Variants in TTN observed in about 807,000 individuals in gnomAD.
TTN encodes the protein titin, also known as connectin.
TTN carries 1,525 observed loss-of-function variants against 3,223.0 expected under a neutral mutation model. The observed-to-expected ratio is 0.47, with a 90% CI of 0.45 to 0.49. The LOEUF (loss-of-function observed/expected upper bound fraction) is 0.49, where lower values mean the gene tolerates loss of function less well. TTN is among the 20% of genes least tolerant of loss of function. The pLI, the probability that TTN is intolerant of heterozygous loss-of-function variation, is 0.00. For missense variants in TTN, 40,786 were observed against 43,424.0 expected, an observed-to-expected ratio of 0.94 and a Z score of 5.40; for synonymous variants, 14,094 against 15,161.0, an observed-to-expected ratio of 0.93 and a Z score of 5.17.
chr2:178,772,776 T>C (rs1041106840), intron 33 of TTN, among the ~76,000 whole-genome samples: 1 of 152,102 alleles, frequency 6.6e-6, no homozygotes, highest in African/African-American at 2.4e-5. Flanking sequence ...TACACTGATA[T>C]TGAAAGAGGA....
Position 178,548,442 on chromosome 2 carries a change from T to C in TTN, c.93184A>G (p.Ser31062Gly). The change falls in exon 339 of 363, where the codon AGT becomes GGT. Residue 31062 changes from serine (S) to glycine (G), a missense_variant. By Grantham distance (56) the Ser-to-Gly change is moderately conservative. Coordinates refer to ENST00000589042, the MANE Select transcript of TTN (RefSeq NM_001267550.2). This position sits in a 1 kb window ranked among gnomAD's most constrained non-coding sequence, Gnocchi z 4.3. ...CATTTTTCACTGATAACCTGCCAAC[T>C]ACGGCGACTTGCCTCTCGTTTCTCT... ...VVEKREASRR[S>G]WQVISEKCTR... 6.2e-7 allele frequency: 1 copy of C among 1,613,878 alleles called. No homozygotes were observed.
chr2:178,776,014 G>C lies in TTN; in HGVS notation c.5850C>G (p.His1950Gln). ...RRAPEPRPEF[H>Q]VHEPGKLQFE... ...ACTGAAGCTTTCCTGGTTCATGTAC[G>C]TGAAACTCAGGCCTTGGTTCAGGAG... Residue 1950 changes from histidine to glutamine, a missense_variant, in exon 28 of 363, where the codon CAC becomes CAG. Coordinates refer to ENST00000589042, the MANE Select transcript of TTN (RefSeq NM_001267550.2). 1 of 1,614,088 alleles carries C rather than the reference G, an allele frequency of 6.2e-7. No homozygotes were observed. Among genetic ancestry groups the C allele is most frequent in the Non-Finnish European group, 8.5e-7 (1 of 1,179,990 alleles).
In TTN at chr2:178,569,145, C is replaced by A. The variant is rs143186270; in HGVS notation, c.76987G>T (p.Asp25663Tyr). ...TAACTGCAACCTTCTTGGAGCTGAT[C>A]GATTTTCCAAGAATTCTTATGGCAG... The part of the protein sequence containing the change: ...TNCHKNSWKI[D>Y]QLQEGCSYYF... The change falls in exon 326 of 363, where the codon GAT becomes TAT. Residue 25663 changes from aspartate (D) to tyrosine (Y), a missense_variant. Transcript: ENST00000589042. 6.8e-6 allele frequency: 11 copies of A among 1,613,350 alleles called. No homozygotes were observed. Among genetic ancestry groups the A allele is most frequent in the South Asian group, 1.1e-5 (1 of 91,006 alleles).
rs537630460 is a variant in TTN at position 178,769,557 on chromosome 2, C to G, written c.8902+122G>C. On this transcript the variant is annotated intron_variant, in intron 37 of 362. Transcript: ENST00000589042. ...GGGATTACAGGCTTGAGCCACCCTGCCCACCCAATCAAGGATTTTTGAGTG... is the reference window on the plus strand; with the variant it reads ...GGGATTACAGGCTTGAGCCACCCTGGCCACCCAATCAAGGATTTTTGAGTG... The G allele has an allele frequency of 1.6e-5, 13 of 834,340 alleles. No homozygotes were observed. In the Admixed American group the frequency reaches 3.3e-4, roughly 21 times the overall value. 51.7% of individuals were successfully genotyped at this position (834,340 alleles called of 1,614,324 possible).
chr2:178,764,250 G>A lies in TTN; in HGVS notation c.10041C>T (p.Ile3347=), dbSNP rs143307305. The A allele has an allele frequency of 3.1e-6, 5 of 1,614,012 alleles. No homozygotes were observed. The highest frequency in any genetic ancestry group is 4.2e-6 in the Non-Finnish European group (5 of 1,180,006). Reference sequence around the variant, plus strand: ...TGACAGTGTCCTGAAGCGGGGTGATGATGGCAGGTGGATAAACAGGCATTT... The same window carrying A: ...TGACAGTGTCCTGAAGCGGGGTGATAATGGCAGGTGGATAAACAGGCATTT... ...DQEMPVYPPA[I]ITPLQDTVTS... Residue 3347 remains isoleucine, a synonymous_variant, in exon 43 of 363, where the codon ATC becomes ATT. Transcript: ENST00000589042.
chr2:178,643,460 G>A (rs1339963708), intron 218 of TTN, among the ~76,000 whole-genome samples: 1 of 151,690 alleles, frequency 6.6e-6, no homozygotes, highest in Admixed American at 6.6e-5. Flanking sequence ...TATTTTAGAG[G>A]TACCAATCTT....
intron 127 of TTN, among the ~76,000 whole-genome samples, chr2:178,687,419 A>G (rs2071210658): frequency 7.0e-6 from 1 of 142,738 alleles, no homozygotes; most frequent in South Asian, 2.1e-4. Flanking sequence ...AATTAGCATT[A>G]TAGGTATGAA....
At position 178,548,448 on chromosome 2, in the gene TTN, G is replaced by T; in HGVS notation, c.93178C>A (p.Arg31060Ser). 1 of 1,613,806 alleles carries T rather than the reference G, an allele frequency of 6.2e-7. No individual in the cohort carries two copies. Among genetic ancestry groups the T allele is most frequent in the Non-Finnish European group, 8.5e-7 (1 of 1,179,800 alleles). Residue 31060 changes from arginine (R) to serine (S), a missense_variant, in exon 339 of 363, where the codon CGC (arginine) becomes AGC (serine). Transcript: ENST00000589042. The surrounding 1 kb of genome is among the most constrained non-coding windows in gnomAD (Gnocchi z 4.3). ...TCACTGATAACCTGCCAACTACGGC[G>T]ACTTGCCTCTCGTTTCTCTACCACA... ...HYVVEKREAS[R>S]RSWQVISEKC...
intron 239 of TTN, among the ~76,000 whole-genome samples, chr2:178,630,006 A>G (rs2059599567): frequency 6.6e-6 from 1 of 152,088 alleles, no homozygotes; most frequent in Admixed American, 6.6e-5. Context: ...ACAGAGCAGG[A>G]AAATCTGATT....
chr2:178,799,801 A>G, intron 5 of TTN, 24 bp downstream of exon 5: 1 of 1,614,190 alleles, frequency 6.2e-7, no homozygotes. Flanking sequence ...GAAAGGCTTG[A>G]AAACCAACAG....
intron 47 of TTN, chr2:178,744,405 T>A: frequency 1.0e-6 from 1 of 983,776 alleles, no homozygotes; most frequent in Middle Eastern, 5.2e-4. Context: ...ATTTTCAGAA[T>A]TTTTTATATT....
At position 178,548,911 on chromosome 2, in the gene TTN, G is replaced by A. The variant is rs140576051; in HGVS notation, c.92715C>T (p.Gly30905=). 84 of 1,613,820 alleles carry A rather than the reference G, an allele frequency of 5.2e-5. No individual in the cohort carries two copies. The East Asian group carries it at 1.4e-3, about 27-fold the overall frequency. ...RVSAINGAGK[G]DSCEVTGTIK... ...TTGTGCCAGTCACTTCACAGCTGTCGCCTTTTCCAGCACCATTGATAGCAC... is the reference window on the plus strand; with the variant it reads ...TTGTGCCAGTCACTTCACAGCTGTCACCTTTTCCAGCACCATTGATAGCAC... The change falls in exon 339 of 363, where the codon GGC becomes GGT. Residue 30905 remains glycine, a synonymous_variant. Coordinates refer to ENST00000589042, the MANE Select transcript of TTN (RefSeq NM_001267550.2). This position sits in a 1 kb window ranked among gnomAD's most constrained non-coding sequence, Gnocchi z 4.3.
rs557267087 is a variant in TTN at position 178,759,767 on chromosome 2, T to G, written c.10115-595A>C. ...GCACAAATAATTGTAGAGAAAATAA[T>G]TTTTTAAATAAAGAGGGTGATTTAT... On this transcript the variant is annotated intron_variant, in intron 43 of 362. Coordinates refer to ENST00000589042, the MANE Select transcript of TTN (RefSeq NM_001267550.2). Among the ~76,000 whole-genome samples, 6 of 152,334 alleles carry G rather than the reference T, an allele frequency of 3.9e-5. No individual in the cohort carries two copies. In the East Asian group the frequency reaches 1.2e-3, roughly 29 times the overall value.
At chr2:178,680,731 A>G (rs191696638) in intron 138 of TTN, among the ~76,000 whole-genome samples, 1 of 152,236 alleles carries the variant, frequency 6.6e-6, no homozygotes, top group Admixed American at 6.6e-5. Context: ...TAGAATGAAT[A>G]AACAGTTACC....
At chr2:178,623,152 A>C (rs1053489109) in intron 242 of TTN, among the ~76,000 whole-genome samples, 3 of 151,928 alleles carry the variant, frequency 2.0e-5, no homozygotes, top group Non-Finnish European at 2.9e-5. Flanking sequence ...TGTCTTATTT[A>C]AGGCACTTAG....
intron 240 of TTN, among the ~76,000 whole-genome samples, chr2:178,627,283 AG>A (rs1286145585): frequency 1.3e-5 from 2 of 151,978 alleles, no homozygotes; most frequent in Non-Finnish European, 2.9e-5. Context: ...CATGTCTACA[AG>A]TTTCTCTTCA....
At chr2:178,737,177 G>C (rs778705278) in intron 49 of TTN, 3 of 152,142 alleles carry the variant, frequency 2.0e-5, no homozygotes, top group Non-Finnish European at 4.4e-5. Context: ...AGAAAAGCTT[G>C]CTACTAATAT....
Position 178,632,191 on chromosome 2 carries a change from A to C in TTN, c.43703T>G (p.Val14568Gly). 1 of 1,608,904 alleles carries C rather than the reference A, an allele frequency of 6.2e-7. No individual in the cohort carries two copies. The highest frequency in any genetic ancestry group is 8.5e-7 in the Non-Finnish European group (1 of 1,177,420). The change falls in exon 236 of 363, where the codon GTA becomes GGA. Residue 14568 changes from valine (V) to glycine (G), a missense_variant. Transcript: ENST00000589042. ...LSIDDTSQIR[V>G]EAMGMSSEAK... Reference sequence around the variant, plus strand: ...TTCTGAACTCATCCCCATAGCTTCTACTCTAATTTGGGAGGTGTCATCAAT... The same window carrying C: ...TTCTGAACTCATCCCCATAGCTTCTCCTCTAATTTGGGAGGTGTCATCAAT...
At chr2:178,578,575 G>T in intron 321 of TTN, 36 bp downstream of exon 321, 1 of 1,473,532 alleles carries the variant, frequency 6.8e-7, no homozygotes, top group South Asian at 1.2e-5. Context: ...GAGGAATCTT[G>T]ATGTAAAAGC....
Sources: allele counts gnomAD v4.1 joint callset (sites outside exome capture counted in the v4.1 genomes callset), GRCh38; gene constraint gnomAD v4.1.1; non-coding constraint Gnocchi (gnomAD v3.1); transcripts MANE v1.5; gene names NCBI Gene and HGNC (gene_info 2026-07-23, HGNC 2026-07-21).